PLK4: variants seen among roughly 807,000 people sequenced by gnomAD.
PLK4 encodes the protein serine/threonine-protein kinase PLK4.
A neutral mutation model predicts 103.0 loss-of-function variants in PLK4; 51 were observed. The observed-to-expected ratio is 0.50, with a 90% CI of 0.40 to 0.63. PLK4 has a LOEUF of 0.63. Among genes scored for constraint, PLK4 ranks in the 20% least tolerant of loss-of-function variants. The pLI, the probability that PLK4 is intolerant of heterozygous loss-of-function variation, is 0.00. For synonymous variants in PLK4, 389 were observed against 376.8 expected, an observed-to-expected ratio of 1.03 and a Z score of -0.38; for missense variants, 1,054 against 1,151.0, an observed-to-expected ratio of 0.92 and a Z score of 1.22.
In PLK4 at chr4:127,895,037, A is replaced by C; in HGVS notation, c.2647A>C (p.Lys883Gln). 6.2e-7 allele frequency: 1 copy of C among 1,612,450 alleles called. No individual in the cohort carries two copies. Among genetic ancestry groups the C allele is most frequent in the Non-Finnish European group, 8.5e-7 (1 of 1,179,030 alleles). ...SSNSLKDCLP[K>Q]SAQLLKSVFV... ...TAATAGTCTAAAAGATTGTCTTCCT[A>C]AATCAGCACAACTTTTGAAATCTGT... is the stretch of plus-strand genomic sequence containing the variant. The change falls in exon 14 of 16, where the codon AAA becomes CAA. Residue 883 changes from lysine to glutamine, a missense_variant. Lys to Gln is a moderately conservative substitution (Grantham distance 53). Coordinates refer to ENST00000270861, the MANE Select transcript of PLK4 (RefSeq NM_014264.5).
intron 6 of PLK4, among the ~76,000 whole-genome samples, chr4:127,888,882 G>A (rs1735245118): frequency 1.3e-5 from 2 of 151,990 alleles, no homozygotes; most frequent in Non-Finnish European, 2.9e-5. Context: ...TTTTTTTAAT[G>A]TATATTATTC....
chr4:127,887,531 A>G, intron 6 of PLK4, 35 bp downstream of exon 6: 1 of 1,192,468 alleles, frequency 8.4e-7, no homozygotes. Flanking sequence ...TCAAGAATTA[A>G]TTACTTGGAA....
chr4:127,885,252 G>A (rs560108424), intron 4 of PLK4, among the ~76,000 whole-genome samples: 1 of 152,064 alleles, frequency 6.6e-6, no homozygotes, highest in South Asian at 2.1e-4. Context: ...GGCCGAGGTG[G>A]GTGGATCACG....
chr4:127,889,039 T>C (rs1019309237), intron 6 of PLK4, among the ~76,000 whole-genome samples: 2 of 152,184 alleles, frequency 1.3e-5, no homozygotes, highest in Admixed American at 6.5e-5. Flanking sequence ...AACACAGACT[T>C]GTCTGAGATG....
intron 4 of PLK4, 146 bp from the exon 5 acceptor site, chr4:127,885,562 G>T (rs113509895): frequency 1.6e-6 from 1 of 622,802 alleles, no homozygotes; most frequent in Admixed American, 2.8e-5. Context: ...GGTAATTGAA[G>T]TGGCTGGTAA....
chr4:127,882,616 G>A (rs990456897), intron 2 of PLK4, among the ~76,000 whole-genome samples: 5 of 152,142 alleles, frequency 3.3e-5, no homozygotes, highest in African/African-American at 7.2e-5. Flanking sequence ...CAAATTAGCC[G>A]GGTGTGGTGC....
intron 14 of PLK4, among the ~76,000 whole-genome samples, chr4:127,896,473 G>GA (rs1458182498): frequency 6.6e-6 from 1 of 151,788 alleles, no homozygotes; most frequent in Admixed American, 6.6e-5. Context: ...TCTTGTGGGG[G>GA]AAAAAAACCA....
At chr4:127,896,737 T>G (rs922312137) in intron 14 of PLK4, 64 bp from the exon 15 acceptor site, 6 of 848,748 alleles carry the variant, frequency 7.1e-6, no homozygotes, top group Non-Finnish European at 1.2e-5. Context: ...TAATTTTGTG[T>G]GCTACTACTG....
chr4:127,884,346 G>T (rs1038368147), intron 4 of PLK4, among the ~76,000 whole-genome samples: 1 of 152,154 alleles, frequency 6.6e-6, no homozygotes, highest in Non-Finnish European at 1.5e-5. Context: ...AAGCCATTTG[G>T]AAAACAATTC....
intron 13 of PLK4, 71 bp from the exon 14 acceptor site, chr4:127,894,882 G>T: frequency 3.0e-6 from 3 of 1,011,328 alleles, no homozygotes; most frequent in South Asian, 2.6e-5. Flanking sequence ...TCTCATAATT[G>T]TCTGCTTTTG....
At chr4:127,888,958 T>A (rs543617865) in intron 6 of PLK4, among the ~76,000 whole-genome samples, 1 of 152,302 alleles carries the variant, frequency 6.6e-6, no homozygotes, top group East Asian at 1.9e-4. Flanking sequence ...TCAGGTTTGT[T>A]TTTTAAACTA....
In PLK4 at chr4:127,886,662, ACTT is replaced by A; in HGVS notation, c.1296_1298del (p.Phe433del). The A allele has an allele frequency of 6.2e-7, 1 of 1,613,394 alleles. No individual in the cohort carries two copies. The highest frequency in any genetic ancestry group is 8.5e-7 in the Non-Finnish European group (1 of 1,179,436). On this transcript the variant is annotated inframe_deletion, in exon 5 of 16. Coordinates refer to ENST00000270861, the MANE Select transcript of PLK4 (RefSeq NM_014264.5). ...ACAGACAACAATGCCAACATTTTTA[ACTT>A]CTTTAAAGAAAAGACATCCAGTAGT...
At chr4:127,896,750 G>C (rs759229419) in intron 14 of PLK4, 51 bp from the exon 15 acceptor site, 2 of 822,076 alleles carry the variant, frequency 2.4e-6, no homozygotes, top group Non-Finnish European at 3.8e-6. Flanking sequence ...TACTACTGCT[G>C]TTTTTTTTTT....
chr4:127,885,373 GGAGGCT>G (rs1229168374), intron 4 of PLK4, among the ~76,000 whole-genome samples: 6 of 151,402 alleles, frequency 4.0e-5, no homozygotes, highest in African/African-American at 1.5e-4. Flanking sequence ...CAGCTACTCG[GGAGGCT>G]GAGGCAGGAG....
chr4:127,887,545 T>C, intron 6 of PLK4, 49 bp downstream of exon 6: 1 of 1,039,608 alleles, frequency 9.6e-7, no homozygotes, highest in Non-Finnish European at 1.5e-6. Flanking sequence ...CTTGGAAACT[T>C]ACCAAGCATT....
At position 127,889,851 on chromosome 4, in the gene PLK4, C is replaced by G. The variant is rs1001012688; in HGVS notation, c.1460-15C>G. 1 of 1,535,374 alleles carries G rather than the reference C, an allele frequency of 6.5e-7. No homozygotes were observed. Among genetic ancestry groups the G allele is most frequent in the Non-Finnish European group, 8.8e-7 (1 of 1,139,032 alleles). Reference sequence around the variant, plus strand: ...TAGTTATTTACTAAATTGCTTCATTCTATGTATATTGTAGCTCATTTAAGA... The same window carrying G: ...TAGTTATTTACTAAATTGCTTCATTGTATGTATATTGTAGCTCATTTAAGA... On this transcript the variant is annotated splice_polypyrimidine_tract_variant and intron_variant, in intron 6 of 15. Coordinates refer to ENST00000270861, the MANE Select transcript of PLK4 (RefSeq NM_014264.5).
At chr4:127,892,329 C>G in intron 9 of PLK4, 36 bp from the exon 10 acceptor site, 1 of 1,391,946 alleles carries the variant, frequency 7.2e-7, no homozygotes, top group Non-Finnish European at 9.9e-7. Flanking sequence ...CAGGTCAACA[C>G]TTTCTTCCCT....
At chr4:127,894,336 T>C (rs1176011271) in intron 13 of PLK4, among the ~76,000 whole-genome samples, 5 of 152,114 alleles carry the variant, frequency 3.3e-5, no homozygotes, top group African/African-American at 7.2e-5. Context: ...ACGCCATTCT[T>C]CTGCCTCAGC....
intron 14 of PLK4, among the ~76,000 whole-genome samples, chr4:127,896,288 C>G (rs1735563143): frequency 1.3e-5 from 2 of 152,162 alleles, no homozygotes; most frequent in Non-Finnish European, 2.9e-5. Context: ...CGTCCATGTA[C>G]TATGCACTTC....
Sources: gnomAD v4.1 joint callset for allele counts (sites outside exome capture counted in the v4.1 genomes callset) on GRCh38, gnomAD v4.1.1 for gene constraint, MANE v1.5 for transcripts, NCBI Gene and HGNC (gene_info 2026-07-23, HGNC 2026-07-21) for gene names.